Variants in AP2B1 observed in about 807,000 individuals in gnomAD.
AP2B1 encodes the protein adaptor related protein complex 2 subunit beta 1, also known as AP-2 complex subunit beta.
Under a neutral mutation model 102.0 loss-of-function variants are expected in AP2B1, and 23 were observed. The observed-to-expected ratio is 0.23, with a 90% CI of 0.16 to 0.32. The LOEUF is 0.32. Among genes scored for constraint, AP2B1 ranks in the 10% least tolerant of loss-of-function variants. The pLI is 1.00. For missense variants in AP2B1, 541 were observed against 1,157.4 expected, an observed-to-expected ratio of 0.47 and a Z score of 7.73; for synonymous variants, 381 against 421.2, an observed-to-expected ratio of 0.90 and a Z score of 1.17.
chr17:35,590,935 G>A (rs161184), intron 1 of AP2B1, among the ~76,000 whole-genome samples: 72,872 of 151,820 alleles, frequency 0.48, 17,551 homozygotes, highest in East Asian at 0.52. Context: ...AGCACTTTGG[G>A]AGGCCGAGGT....
chr17:35,697,401 A>T (rs752323243), intron 18 of AP2B1, among the ~76,000 whole-genome samples: 1 of 152,224 alleles, frequency 6.6e-6, no homozygotes, highest in Non-Finnish European at 1.5e-5. Flanking sequence ...AATTGCCACC[A>T]TGAGACTATT....
chr17:35,626,477 T>C (rs1033540894), intron 6 of AP2B1, 144 bp from the exon 7 acceptor site: 4 of 699,228 alleles, frequency 5.7e-6, no homozygotes, highest in Middle Eastern at 8.3e-4. Context: ...ATCCCAATTT[T>C]ACCTAAGCAT....
At chr17:35,677,351 T>C (rs2075724197) in intron 17 of AP2B1, among the ~76,000 whole-genome samples, 3 of 152,208 alleles carry the variant, frequency 2.0e-5, no homozygotes, top group Admixed American at 2.0e-4. Context: ...AGGCTTTTTG[T>C]GTTCTAAGAA....
intron 1 of AP2B1, among the ~76,000 whole-genome samples, chr17:35,591,961 T>A (rs1407214252): frequency 1.3e-5 from 2 of 152,246 alleles, no homozygotes; most frequent in Admixed American, 6.5e-5. Flanking sequence ...TCTGTGAATT[T>A]CTGGTACAAT....
At chr17:35,691,912 C>T (rs587598881) in intron 18 of AP2B1, among the ~76,000 whole-genome samples, 2 of 152,274 alleles carry the variant, frequency 1.3e-5, no homozygotes, top group South Asian at 2.1e-4. Flanking sequence ...CTGAGAAATT[C>T]AATATATTAT....
chr17:35,622,845 T>G (rs1413747349), intron 5 of AP2B1, among the ~76,000 whole-genome samples: 1 of 152,040 alleles, frequency 6.6e-6, no homozygotes, highest in African/African-American at 2.4e-5. Context: ...TTTATATTTT[T>G]AGTAGAGACA....
intron 9 of AP2B1, among the ~76,000 whole-genome samples, chr17:35,632,172 C>T (rs985872517): frequency 2.0e-5 from 3 of 150,380 alleles, no homozygotes; most frequent in Admixed American, 6.7e-5. Flanking sequence ...CTTGACTTGT[C>T]GCCCAGGCTG....
intron 14 of AP2B1, among the ~76,000 whole-genome samples, chr17:35,664,396 G>A (rs1158090006): frequency 1.3e-5 from 2 of 152,140 alleles, no homozygotes; most frequent in East Asian, 3.9e-4. Context: ...TGGGACTACA[G>A]GCACATGCTG....
At chr17:35,621,280 C>T in intron 5 of AP2B1, 1 of 984,776 alleles carries the variant, frequency 1.0e-6, no homozygotes, top group Non-Finnish European at 1.2e-6. Context: ...ACTTTAGATT[C>T]AGTGCGACTG....
chr17:35,693,091 C>G (rs769720254), intron 18 of AP2B1, among the ~76,000 whole-genome samples: 3 of 152,116 alleles, frequency 2.0e-5, no homozygotes, highest in Non-Finnish European at 2.9e-5. Flanking sequence ...GATCTCAGCT[C>G]ACTACAACCT....
chr17:35,627,669 T>C lies in AP2B1; in HGVS notation c.1098T>C (p.Asp366=). Residue 366 remains aspartate, a synonymous_variant, in exon 9 of 22, where the codon GAT becomes GAC. Transcript: ENST00000610402. ...AELKEYATEV[D]VDFVRKAVRA... is the part of the protein sequence containing the mutation. ...TGAAAGAATATGCTACAGAGGTGGA[T>C]GTTGACTTTGTTCGAAAAGCTGTGC... is the stretch of plus-strand genomic sequence containing the variant. 6.2e-7 allele frequency: 1 copy of C among 1,614,148 alleles called. No homozygotes were observed. Among genetic ancestry groups the C allele is most frequent in the Non-Finnish European group, 8.5e-7 (1 of 1,180,006 alleles).
chr17:35,709,244 C>T lies in AP2B1; in HGVS notation c.2475C>T (p.Ile825=), dbSNP rs1555586251. The T allele has an allele frequency of 2.5e-6, 4 of 1,613,964 alleles. No homozygotes were observed. In the Admixed American group the frequency reaches 5.0e-5, roughly 20 times the overall value. ...GGCAGGTGGCTGTGAAAAACAATAT[C>T]GATGTCTTCTACTTCAGCTGCCTCA... is the stretch of plus-strand genomic sequence containing the variant. ...NNLQVAVKNN[I]DVFYFSCLIP... The change falls in exon 19 of 22, where the codon ATC becomes ATT. Residue 825 remains isoleucine (I), a synonymous_variant. Coordinates refer to ENST00000610402, the MANE Select transcript of AP2B1 (RefSeq NM_001030006.2).
chr17:35,620,603 C>A (rs1159053416), intron 5 of AP2B1, among the ~76,000 whole-genome samples: 1 of 152,078 alleles, frequency 6.6e-6, no homozygotes, highest in Non-Finnish European at 1.5e-5. Flanking sequence ...TTATTTGAGA[C>A]CAGGAGTTCA....
In AP2B1 at chr17:35,598,327, G is replaced by A. The variant is rs1356826457; in HGVS notation, c.135G>A (p.Lys45=). The change falls in exon 3 of 22, where the codon AAG becomes AAA. Residue 45 remains lysine (K), a synonymous_variant. Transcript: ENST00000610402. ...KKVIAAMTVG[K]DVSSLFPDVV... ...TGATTGCTGCTATGACCGTGGGGAA[G>A]GATGTTAGGTAAGAGTAATCACCCT... The A allele has an allele frequency of 6.2e-7, 1 of 1,608,062 alleles. No homozygotes were observed.
chr17:35,621,214 C>A, intron 5 of AP2B1: 1 of 537,152 alleles, frequency 1.9e-6, no homozygotes, highest in Non-Finnish European at 2.4e-6. Flanking sequence ...AGTGAGTTGT[C>A]ATGTACTCTC....
At chr17:35,717,451 A>T in intron 21 of AP2B1, 102 bp downstream of exon 21, 11 of 1,305,032 alleles carry the variant, frequency 8.4e-6, no homozygotes, top group Non-Finnish European at 9.6e-6. Flanking sequence ...AGGTGCTTTA[A>T]ACCTGAGATA....
chr17:35,653,345 C>T (rs1262750216), intron 13 of AP2B1, among the ~76,000 whole-genome samples: 1 of 152,176 alleles, frequency 6.6e-6, no homozygotes, highest in African/African-American at 2.4e-5. Flanking sequence ...CTGTTTTTAC[C>T]ACCATCCTAC....
intron 20 of AP2B1, among the ~76,000 whole-genome samples, chr17:35,711,214 G>A (rs2076440231): frequency 6.6e-6 from 1 of 152,012 alleles, no homozygotes; most frequent in African/African-American, 2.4e-5. Context: ...TCCTTTTGAA[G>A]TTAGTACTAG....
intron 9 of AP2B1, 52 bp from the exon 10 acceptor site, chr17:35,636,289 G>A (rs185114974): frequency 3.1e-5 from 39 of 1,273,504 alleles, no homozygotes; most frequent in African/African-American, 2.6e-4. Flanking sequence ...TGTTGAGGTG[G>A]TGTTATCGCA....
Sources: allele counts gnomAD v4.1 joint callset (sites outside exome capture counted in the v4.1 genomes callset), GRCh38; gene constraint gnomAD v4.1.1; transcripts MANE v1.5; gene names NCBI Gene and HGNC (gene_info 2026-07-23, HGNC 2026-07-21).